CSN1S1: variants seen among roughly 807,000 people sequenced by gnomAD.
CSN1S1 encodes alpha-S1-casein.
CSN1S1 carries 63 observed loss-of-function variants against 49.1 expected under a neutral mutation model. The ratio of observed to expected loss-of-function variants is 1.28; its 90% CI spans 1.05 to 1.58. The LOEUF is 1.58. CSN1S1 is among the 40% of genes most tolerant of loss of function. The pLI, the probability that CSN1S1 is intolerant of heterozygous loss-of-function variation, is 0.00. For missense variants in CSN1S1, 260 were observed against 224.7 expected (o/e 1.16, Z -1.01); for synonymous variants, 78 against 67.1 (o/e 1.16, Z -0.79).
chr4:69,937,902 C>T (rs1215659577), intron 9 of CSN1S1, 79 bp downstream of exon 9: 8 of 978,742 alleles, frequency 8.2e-6, no homozygotes, highest in African/African-American at 5.1e-5. Context: ...TTTAAAAAGA[C>T]TGTCTTCTGA....
chr4:69,946,016 C>A (rs1032810202), intron 15 of CSN1S1, among the ~76,000 whole-genome samples, 180 bp from the exon 16 acceptor site: 5 of 151,912 alleles, frequency 3.3e-5, no homozygotes, highest in African/African-American at 1.2e-4. Context: ...ATAAAAATGT[C>A]TTTGTAGCTT....
At chr4:69,933,323 A>G (rs142002040) in intron 2 of CSN1S1, among the ~76,000 whole-genome samples, 2 of 152,174 alleles carry the variant, frequency 1.3e-5, no homozygotes, top group African/African-American at 4.8e-5. Flanking sequence ...TGGAAAAAAC[A>G]TCAGTTTAGA....
rs372374143 is a variant in CSN1S1, at chr4:69,942,490, A to G, written c.361-46A>G. Reference sequence around the variant, plus strand: ...GTGCAATGTAAGATAAATGTGTTGTACCAGAAGATGTCTAAGTAATTTAGA... The same window carrying G: ...GTGCAATGTAAGATAAATGTGTTGTGCCAGAAGATGTCTAAGTAATTTAGA... On this transcript the variant is annotated intron_variant, in intron 13 of 15. Coordinates refer to ENST00000246891, the MANE Select transcript of CSN1S1 (RefSeq NM_001890.2). The G allele has an allele frequency of 4.2e-6, 6 of 1,434,400 alleles. No homozygotes were observed. The Admixed American group carries it at 5.8e-5, about 14-fold the overall frequency. The allele number at this position is 1,434,400 out of a possible 1,614,324, so 88.9% of individuals were successfully genotyped here. A position where few individuals can be genotyped will look rare whatever the true frequency, so the allele number is the denominator to read the frequency against.
chr4:69,932,335 G>T (rs1193677135), intron 1 of CSN1S1, among the ~76,000 whole-genome samples: 1 of 151,774 alleles, frequency 6.6e-6, no homozygotes, highest in Non-Finnish European at 1.5e-5. Flanking sequence ...AATAATATAA[G>T]AACTAAGAAA....
At chr4:69,941,673 G>C (rs1182907839) in intron 12 of CSN1S1, among the ~76,000 whole-genome samples, 2 of 151,900 alleles carry the variant, frequency 1.3e-5, no homozygotes, top group African/African-American at 4.8e-5. Flanking sequence ...GTTATCAATA[G>C]AGGAAGATGA....
intron 10 of CSN1S1, 94 bp downstream of exon 10, chr4:69,939,302 T>C: frequency 1.2e-6 from 1 of 847,386 alleles, no homozygotes; most frequent in Non-Finnish European, 1.9e-6. Context: ...AAGGTCTCAT[T>C]GTACAAGGCA....
At chr4:69,935,685 G>A (rs765965796) in intron 4 of CSN1S1, among the ~76,000 whole-genome samples, 10 of 151,924 alleles carry the variant, frequency 6.6e-5, no homozygotes, top group African/African-American at 2.4e-4. Context: ...GTACCTAAAC[G>A]TTTGCCTCTC....
At chr4:69,939,021 A>G (rs1560388475) in intron 9 of CSN1S1, among the ~76,000 whole-genome samples, 155 bp from the exon 10 acceptor site, 1 of 151,788 alleles carries the variant, frequency 6.6e-6, no homozygotes, top group Non-Finnish European at 1.5e-5. Context: ...TTCACACTCC[A>G]AGAAAATACA....
At chr4:69,943,015 T>C (rs1723024626) in intron 14 of CSN1S1, among the ~76,000 whole-genome samples, 1 of 150,646 alleles carries the variant, frequency 6.6e-6, no homozygotes, top group Admixed American at 6.6e-5. Context: ...AAACTTTTAG[T>C]TCCTCACAGT....
intron 9 of CSN1S1, 111 bp downstream of exon 9, chr4:69,937,934 G>T: frequency 1.5e-6 from 1 of 646,634 alleles, no homozygotes; most frequent in South Asian, 3.5e-5. Context: ...ATAAGAAACT[G>T]AATTTTAAAA....
intron 7 of CSN1S1, 101 bp from the exon 8 acceptor site, chr4:69,937,020 A>G (rs1722807754): frequency 3.5e-6 from 3 of 852,536 alleles, no homozygotes; most frequent in African/African-American, 1.8e-5. Flanking sequence ...CTAGTTTTCT[A>G]GTAGAATTGG....
chr4:69,940,135 A>G (rs1722929374), intron 11 of CSN1S1, 91 bp downstream of exon 11: 1 of 537,300 alleles, frequency 1.9e-6, no homozygotes, highest in Non-Finnish European at 3.1e-6. Flanking sequence ...ACACACACAC[A>G]CACACACACA....
chr4:69,945,056 A>C, intron 15 of CSN1S1, 52 bp downstream of exon 15: 1 of 1,585,378 alleles, frequency 6.3e-7, no homozygotes, highest in Non-Finnish European at 8.6e-7. Flanking sequence ...GGAATGAAAT[A>C]GAATAGCTTG....
At position 69,943,163 on chromosome 4, in the gene CSN1S1, ATAT is replaced by A. The variant is rs3078677; in HGVS notation, c.402+625_402+627del. ...TACTTGGTCTTAATTTTCCATGTGA[ATAT>A]TATTATTATTATTATTATTATTATT... On this transcript the variant is annotated intron_variant, in intron 14 of 15. Coordinates refer to ENST00000246891, the MANE Select transcript of CSN1S1 (RefSeq NM_001890.2). 5.9e-3 allele frequency among the ~76,000 whole-genome samples: 859 copies of A among 144,856 alleles called. 4 individuals are homozygous for A. Among genetic ancestry groups the A allele is most frequent in the African/African-American group, 0.012 (478 of 39,340 alleles).
intron 9 of CSN1S1, among the ~76,000 whole-genome samples, chr4:69,938,252 G>A (rs944943038): frequency 6.6e-6 from 1 of 151,672 alleles, no homozygotes; most frequent in African/African-American, 2.4e-5. Flanking sequence ...ATTTTTACAT[G>A]AGTATGTTAG....
At chr4:69,942,273 G>A (rs1722993884) in intron 13 of CSN1S1, among the ~76,000 whole-genome samples, 1 of 151,928 alleles carries the variant, frequency 6.6e-6, no homozygotes, top group South Asian at 2.1e-4. Context: ...CTAGAGAAAT[G>A]GTAGGTTATT....
chr4:69,944,740 T>A (rs1723097126), intron 14 of CSN1S1, 110 bp from the exon 15 acceptor site: 1 of 1,120,854 alleles, frequency 8.9e-7, no homozygotes, highest in East Asian at 2.4e-5. Flanking sequence ...AATCATTTTT[T>A]ATCATGCTAA....
chr4:69,935,336 C>T (rs559060916), intron 4 of CSN1S1, among the ~76,000 whole-genome samples: 1 of 149,840 alleles, frequency 6.7e-6, no homozygotes, highest in South Asian at 2.1e-4. Flanking sequence ...CCCAGGAATT[C>T]GAGATGAGCC....
At chr4:69,938,620 T>A (rs1722881936) in intron 9 of CSN1S1, among the ~76,000 whole-genome samples, 1 of 151,700 alleles carries the variant, frequency 6.6e-6, no homozygotes, top group Non-Finnish European at 1.5e-5. Flanking sequence ...AAAATATGTA[T>A]GTATTTGGAA....
Sources: allele counts gnomAD v4.1 joint callset (sites outside exome capture counted in the v4.1 genomes callset), GRCh38; gene constraint gnomAD v4.1.1; transcripts MANE v1.5; gene names NCBI Gene and HGNC (gene_info 2026-07-23, HGNC 2026-07-21).